Variants in SASS6 observed in about 807,000 individuals in gnomAD.
The protein encoded by SASS6 is spindle assembly abnormal protein 6 homolog.
A neutral mutation model predicts 94.9 loss-of-function variants in SASS6; 59 were observed. The ratio of observed to expected loss-of-function variants is 0.62; its 90% CI spans 0.50 to 0.77. The LOEUF (loss-of-function observed/expected upper bound fraction) is 0.77, where lower values mean the gene tolerates loss of function less well. Ranked by LOEUF, SASS6 falls within the 30% of genes least tolerant of loss-of-function variation. The pLI is 0.00. For missense variants in SASS6, 698 were observed against 734.1 expected (o/e 0.95, Z 0.57); for synonymous variants, 264 against 270.0 (o/e 0.98, Z 0.22).
At chr1:100,094,211 T>A (rs574230320) in intron 14 of SASS6, among the ~76,000 whole-genome samples, 2 of 152,186 alleles carry the variant, frequency 1.3e-5, no homozygotes, top group East Asian at 3.8e-4. Flanking sequence ...TTAGATTAAA[T>A]GATTTAATCC....
chr1:100,091,040 C>T (rs1266369815), intron 14 of SASS6, among the ~76,000 whole-genome samples: 3 of 152,134 alleles, frequency 2.0e-5, no homozygotes, highest in African/African-American at 7.2e-5. Context: ...CATGGTGGCT[C>T]ACGCATGTGA....
At position 100,106,904 on chromosome 1, in the gene SASS6, ATACT is replaced by A; in HGVS notation, c.1408+4_1408+7del. Reference sequence around the variant, plus strand: ...AACCTCATTTACATTAACACGTAACATACTTACACTTTTCATTATTTTTTAGAAG... The same window carrying A: ...AACCTCATTTACATTAACACGTAACATACACTTTTCATTATTTTTTAGAAG... On this transcript the variant is annotated splice_donor_5th_base_variant and intron_variant, in intron 12 of 16. Coordinates refer to ENST00000287482, the MANE Select transcript of SASS6 (RefSeq NM_194292.3). 1 of 1,118,798 alleles carries A rather than the reference ATACT, an allele frequency of 8.9e-7. No individual in the cohort carries two copies. 69.3% of individuals were successfully genotyped at this position (1,118,798 alleles called of 1,614,324 possible).
Position 100,085,162 on chromosome 1 carries a change from G to T in SASS6, c.*166C>A. On this transcript the variant is annotated 3_prime_UTR_variant, in exon 17 of 17. Transcript: ENST00000287482. ...TTTACCAATCCCCAAGTACAAATTT[G>T]TTCCTATATTATAAACTGCCATAAA... 1.8e-6 allele frequency: 1 copy of T among 559,648 alleles called. No individual in the cohort carries two copies. The highest frequency in any genetic ancestry group is 3.2e-6 in the Non-Finnish European group (1 of 311,758). 34.7% of individuals were successfully genotyped at this position (559,648 alleles called of 1,614,324 possible).
chr1:100,129,787 GA>G (rs1235779409), intron 1 of SASS6, among the ~76,000 whole-genome samples: 2 of 152,144 alleles, frequency 1.3e-5, no homozygotes, highest in Non-Finnish European at 2.9e-5. Flanking sequence ...ATAAGCTTAG[GA>G]AACAAAACTG....
Position 100,107,524 on chromosome 1 carries a change from C to T in SASS6, c.1176G>A (p.Gly392=), listed in dbSNP as rs1200835052. 5 of 1,603,358 alleles carry T rather than the reference C, an allele frequency of 3.1e-6. No individual in the cohort carries two copies. Among genetic ancestry groups the T allele is most frequent in the African/African-American group, 2.7e-5 (2 of 74,374 alleles). ...ACTTACCCATTAAAGTTTTCAGATC[C>T]CCTTGTAACTTCTTGATAATTTCAT... ...KANEIIKKLQ[G]DLKTLMGKLK... Residue 392 remains glycine, a synonymous_variant, in exon 11 of 17, where the codon GGG becomes GGA. Coordinates refer to ENST00000287482, the MANE Select transcript of SASS6 (RefSeq NM_194292.3).
chr1:100,125,713 T>C (rs1196517851), intron 2 of SASS6, among the ~76,000 whole-genome samples, 169 bp downstream of exon 2: 1 of 151,474 alleles, frequency 6.6e-6, no homozygotes, highest in African/African-American at 2.4e-5. Context: ...TAATTATCCT[T>C]CAGTTGTTGT....
chr1:100,087,585 T>A (rs550191560), intron 15 of SASS6, among the ~76,000 whole-genome samples: 7 of 152,208 alleles, frequency 4.6e-5, no homozygotes, highest in Non-Finnish European at 8.8e-5. Context: ...TAAACCCTGT[T>A]TAAAAAACAG....
chr1:100,096,763 A>C (rs977489199), intron 14 of SASS6, among the ~76,000 whole-genome samples: 1 of 152,234 alleles, frequency 6.6e-6, no homozygotes, highest in Non-Finnish European at 1.5e-5. Context: ...ATTGATGTTA[A>C]ATAAGCACAT....
chr1:100,104,174 G>A (rs1652708571), intron 13 of SASS6, among the ~76,000 whole-genome samples: 1 of 152,228 alleles, frequency 6.6e-6, no homozygotes, highest in Non-Finnish European at 1.5e-5. Flanking sequence ...AGCAGCAGCA[G>A]CCATTCATGT....
intron 15 of SASS6, 88 bp downstream of exon 15, chr1:100,088,051 G>A: frequency 3.2e-6 from 2 of 626,102 alleles, no homozygotes; most frequent in East Asian, 2.7e-5. Flanking sequence ...TAAACAGGTG[G>A]GCATCACAGC....
chr1:100,128,449 T>C lies in SASS6; in HGVS notation c.66-2507A>G, dbSNP rs75475976. On this transcript the variant is annotated intron_variant, in intron 1 of 16. Transcript: ENST00000287482. ...TAATCCTGGAAGAGTTATATTACTA[T>C]GACAATTTACCAATCATATTAATGA... is the stretch of plus-strand genomic sequence containing the variant. Among the ~76,000 whole-genome samples the C allele has an allele frequency of 2.3e-3, 352 of 152,340 alleles. 1 individual carries two copies. The highest frequency in any genetic ancestry group is 7.6e-3 in the African/African-American group (316 of 41,572).
rs376522501 is a variant in SASS6 at position 100,096,530 on chromosome 1, T to G, written c.1674+6425A>C. The stretch of plus-strand genomic sequence containing the variant: ...GCAAGATCCACAAAAGAAAAAAGTT[T>G]GATAAATTGCACTCCATCAAATATT... On this transcript the variant is annotated intron_variant, in intron 14 of 16. Coordinates refer to ENST00000287482, the MANE Select transcript of SASS6 (RefSeq NM_194292.3). 2.5e-4 allele frequency among the ~76,000 whole-genome samples: 38 copies of G among 152,310 alleles called. 1 individual carries two copies. In the South Asian group the frequency reaches 5.2e-3, roughly 21 times the overall value.
chr1:100,094,696 G>A (rs1425919878), intron 14 of SASS6, among the ~76,000 whole-genome samples: 3 of 151,870 alleles, frequency 2.0e-5, no homozygotes, highest in African/African-American at 7.3e-5. Context: ...GCGAAACCGT[G>A]TCTCTATTAA....
At chr1:100,112,481 A>AAC (rs1342480546) in intron 7 of SASS6, among the ~76,000 whole-genome samples, 5 of 152,174 alleles carry the variant, frequency 3.3e-5, no homozygotes, top group African/African-American at 1.2e-4. Context: ...TATTTTTTTA[A>AAC]ATGGAGGTAT....
At chr1:100,097,945 A>G (rs1320719569) in intron 14 of SASS6, among the ~76,000 whole-genome samples, 1 of 152,238 alleles carries the variant, frequency 6.6e-6, no homozygotes, top group Non-Finnish European at 1.5e-5. Flanking sequence ...TAGGGCTAGA[A>G]GGAGGAGTAA....
chr1:100,097,905 T>C (rs1216499364), intron 14 of SASS6, among the ~76,000 whole-genome samples: 1 of 152,068 alleles, frequency 6.6e-6, no homozygotes. Flanking sequence ...GAAAAGCAAA[T>C]TTTATAGTGA....
intron 15 of SASS6, among the ~76,000 whole-genome samples, chr1:100,087,872 A>G (rs1651421697): frequency 1.3e-5 from 2 of 152,214 alleles, no homozygotes; most frequent in Admixed American, 1.3e-4. Context: ...GTTATGTAGG[A>G]AAATCTCTTT....
chr1:100,085,664 A>C, intron 15 of SASS6, 34 bp from the exon 16 acceptor site: 1 of 1,313,610 alleles, frequency 7.6e-7, no homozygotes, highest in Non-Finnish European at 1.1e-6. Flanking sequence ...TTATTTAACA[A>C]AGTCTTTATT....
intron 7 of SASS6, among the ~76,000 whole-genome samples, chr1:100,110,766 T>C (rs1653262455): frequency 6.6e-6 from 1 of 151,908 alleles, no homozygotes; most frequent in South Asian, 2.1e-4. Flanking sequence ...TGCAACAGTC[T>C]TCAAGTTAAG....
Sources: allele counts gnomAD v4.1 joint callset (sites outside exome capture counted in the v4.1 genomes callset), GRCh38; gene constraint gnomAD v4.1.1; transcripts MANE v1.5; gene names NCBI Gene and HGNC (gene_info 2026-07-23, HGNC 2026-07-21).